The following CFAP210 variants were observed in gnomAD, a reference collection of about 807,000 sequenced individuals.
CFAP210 encodes the protein cilia and flagella associated protein 210, also known as cilia- and flagella- associated protein 210.
At chr2:169,688,105 C>G in the CFAP210 span, among the ~76,000 whole-genome samples, 1 of 152,204 alleles carries the variant, frequency 6.6e-6, no homozygotes, top group African/African-American at 2.4e-5. Context: ...CTGCACACAG[C>G]ACAGGGACCC....
chr2:169,675,829 T>TA, the CFAP210 span, among the ~76,000 whole-genome samples: 135 of 152,324 alleles, frequency 8.9e-4, 2 homozygotes, highest in African/African-American at 3.0e-3. Context: ...TTTGCTCCTT[T>TA]AAAAAACCAA....
the CFAP210 span, chr2:169,681,305 C>T: frequency 8.2e-6 from 9 of 1,102,616 alleles, no homozygotes; most frequent in South Asian, 9.4e-5. Flanking sequence ...TGAGAAGTTC[C>T]GATATTGGCA....
the CFAP210 span, among the ~76,000 whole-genome samples, chr2:169,654,522 A>C: frequency 7.4e-3 from 1,102 of 148,886 alleles, 15 homozygotes; most frequent in Non-Finnish European, 6.1e-3. Flanking sequence ...TTCAAATAAT[A>C]TAATCAATAA....
At chr2:169,672,815 C>G in the CFAP210 span, among the ~76,000 whole-genome samples, 1 of 152,154 alleles carries the variant, frequency 6.6e-6, no homozygotes, top group Non-Finnish European at 1.5e-5. Context: ...CCCTCACAGA[C>G]ACACCCAGAA....
At chr2:169,682,712 G>A in the CFAP210 span, among the ~76,000 whole-genome samples, 4 of 152,164 alleles carry the variant, frequency 2.6e-5, no homozygotes, top group Non-Finnish European at 4.4e-5. Flanking sequence ...TTTGAACAAC[G>A]ATGGGTGGCC....
At chr2:169,662,881 G>A in the CFAP210 span, among the ~76,000 whole-genome samples, 1 of 152,202 alleles carries the variant, frequency 6.6e-6, no homozygotes, top group Non-Finnish European at 1.5e-5. Flanking sequence ...GACCACTTGG[G>A]TTGTAATTCT....
the CFAP210 span, chr2:169,654,194 A>G: frequency 1.9e-6 from 3 of 1,587,930 alleles, no homozygotes; most frequent in Admixed American, 5.4e-5. Flanking sequence ...CTTTGATAAT[A>G]TGTTTATCCT....
At chr2:169,682,501 C>CACAA in the CFAP210 span, among the ~76,000 whole-genome samples, 5 of 152,108 alleles carry the variant, frequency 3.3e-5, no homozygotes, top group Non-Finnish European at 7.4e-5. Context: ...CACACACACA[C>CACAA]ACAAACTGAT....
the CFAP210 span, among the ~76,000 whole-genome samples, chr2:169,659,894 T>C: frequency 2.0e-5 from 3 of 152,214 alleles, no homozygotes; most frequent in Non-Finnish European, 2.9e-5. Flanking sequence ...TGTATGTGTC[T>C]AGGAACTTAT....
the CFAP210 span, among the ~76,000 whole-genome samples, chr2:169,656,493 G>A: frequency 7.5e-6 from 1 of 133,504 alleles, no homozygotes; most frequent in Non-Finnish European, 1.7e-5. Context: ...TGGAGAAGGA[G>A]GTGCGGGAGG....
the CFAP210 span, among the ~76,000 whole-genome samples, chr2:169,688,752 G>C: frequency 6.6e-6 from 1 of 152,172 alleles, no homozygotes; most frequent in African/African-American, 2.4e-5. Flanking sequence ...CATTCAACAA[G>C]TCTCTAGGAA....
chr2:169,656,046 G>A, the CFAP210 span, among the ~76,000 whole-genome samples: 9 of 152,146 alleles, frequency 5.9e-5, no homozygotes, highest in African/African-American at 1.9e-4. Flanking sequence ...GAGATTCAGG[G>A]AAAACTGTTA....
At chr2:169,660,604 A>T in the CFAP210 span, among the ~76,000 whole-genome samples, 4,441 of 121,598 alleles carry the variant, frequency 0.037, 135 homozygotes, top group African/African-American at 0.086. Flanking sequence ...ATATATATAT[A>T]TTTTTTTTTT....
chr2:169,656,066 T>C, the CFAP210 span, among the ~76,000 whole-genome samples: 4 of 152,144 alleles, frequency 2.6e-5, no homozygotes, highest in Admixed American at 2.6e-4. Context: ...AAGTGGGACT[T>C]CTTGGAAAAT....
At chr2:169,662,645 C>G in the CFAP210 span, among the ~76,000 whole-genome samples, 1 of 152,150 alleles carries the variant, frequency 6.6e-6, no homozygotes, top group Admixed American at 6.5e-5. Context: ...TTCCTTGCTT[C>G]AAAATTTATT....
At chr2:169,653,076 G>GTA in the CFAP210 span, among the ~76,000 whole-genome samples, 2 of 104,920 alleles carry the variant, frequency 1.9e-5, no homozygotes, top group Non-Finnish European at 3.5e-5. Flanking sequence ...ATGTATGTGT[G>GTA]TATATATATG....
chr2:169,650,452 A>G, the CFAP210 span: 4 of 1,604,942 alleles, frequency 2.5e-6, no homozygotes, highest in African/African-American at 2.7e-5. Flanking sequence ...TCATATCTTC[A>G]TTGTCAAGTT....
the CFAP210 span, among the ~76,000 whole-genome samples, chr2:169,664,888 T>C: frequency 0.012 from 1,760 of 152,300 alleles, 39 homozygotes; most frequent in African/African-American, 0.04. Flanking sequence ...TGGGCTTATA[T>C]AGATGTTGTA....
chr2:169,656,371 AAG>A, the CFAP210 span, among the ~76,000 whole-genome samples: 3 of 53,798 alleles, frequency 5.6e-5, no homozygotes, highest in African/African-American at 1.5e-4. Flanking sequence ...AGGAAGAAGA[AAG>A]AGGAAAGAGG....
Sources: gnomAD v4.1 joint callset for allele counts (sites outside exome capture counted in the v4.1 genomes callset) on GRCh38, gnomAD v4.1.1 for gene constraint, MANE v1.5 for transcripts, NCBI Gene and HGNC (gene_info 2026-07-23, HGNC 2026-07-21) for gene names.